The following NALF1 variants were observed in gnomAD, a reference collection of about 807,000 sequenced individuals.
The protein encoded by NALF1 is NALCN channel auxiliary factor 1, also known as family with sequence similarity 155 member A.
In NALF1, 3 loss-of-function variants were observed where a neutral mutation model predicts 48.4. The ratio of observed to expected loss-of-function variants is 0.06; its 90% confidence interval spans 0.03 to 0.16. NALF1 has a LOEUF of 0.16. NALF1 is among the 10% of genes least tolerant of loss of function. The pLI is 1.00. For missense variants in NALF1, 526 were observed against 571.5 expected, an observed-to-expected ratio of 0.92 and a Z score of 0.81; for synonymous variants, 262 against 245.7, an observed-to-expected ratio of 1.07 and a Z score of -0.62.
intron 1 of NALF1, among the ~76,000 whole-genome samples, chr13:107,523,707 T>C (rs936647006): frequency 6.6e-6 from 1 of 151,896 alleles, no homozygotes; most frequent in African/African-American, 2.4e-5. Flanking sequence ...AGTACCTATC[T>C]ATGGGAATAA....
At chr13:107,324,597 C>T (rs1015439440) in intron 1 of NALF1, among the ~76,000 whole-genome samples, 1 of 152,078 alleles carries the variant, frequency 6.6e-6, no homozygotes, top group Admixed American at 6.6e-5. Flanking sequence ...AGAGGAGTAA[C>T]TGTGGGTTAA....
chr13:107,178,939 T>C (rs1254378061), intron 2 of NALF1, among the ~76,000 whole-genome samples: 3 of 150,844 alleles, frequency 2.0e-5, no homozygotes, highest in Non-Finnish European at 4.4e-5. Flanking sequence ...AGTGAGACTC[T>C]GTCTCAAAAA....
chr13:107,761,464 T>C (rs961999355), intron 1 of NALF1, among the ~76,000 whole-genome samples: 1 of 152,068 alleles, frequency 6.6e-6, no homozygotes, highest in African/African-American at 2.4e-5. Context: ...TTAGAAGAAA[T>C]GGGTCCACTT....
intron 2 of NALF1, among the ~76,000 whole-genome samples, chr13:107,192,565 C>G (rs1052944881): frequency 2.0e-5 from 3 of 152,166 alleles, no homozygotes; most frequent in African/African-American, 4.8e-5. Flanking sequence ...AGTAAACAAG[C>G]TAGCTAGCTA....
chr13:107,442,765 T>A (rs1353251570), intron 1 of NALF1, among the ~76,000 whole-genome samples: 1 of 152,204 alleles, frequency 6.6e-6, no homozygotes, highest in East Asian at 1.9e-4. Flanking sequence ...AGTCACAATT[T>A]TTAAAATGCT....
intron 1 of NALF1, among the ~76,000 whole-genome samples, chr13:107,419,147 T>C (rs1884142148): frequency 1.3e-5 from 2 of 152,232 alleles, no homozygotes. Flanking sequence ...CTAGATTTAT[T>C]TTCTTCACAG....
At chr13:107,652,239 T>C (rs1456521091) in intron 1 of NALF1, among the ~76,000 whole-genome samples, 1 of 152,152 alleles carries the variant, frequency 6.6e-6, no homozygotes, top group Non-Finnish European at 1.5e-5. Flanking sequence ...CATTTAAATT[T>C]CTGTGATTCT....
At chr13:107,574,324 T>C (rs1007037916) in intron 1 of NALF1, among the ~76,000 whole-genome samples, 1 of 152,194 alleles carries the variant, frequency 6.6e-6, no homozygotes, top group Non-Finnish European at 1.5e-5. Flanking sequence ...TTTTATTCTA[T>C]CATTTATCAT....
intron 1 of NALF1, among the ~76,000 whole-genome samples, chr13:107,837,314 T>C (rs77117934): frequency 1.2e-4 from 18 of 152,354 alleles, no homozygotes; most frequent in Non-Finnish European, 2.1e-4. Context: ...GGAAAAGGAA[T>C]GCATAGCAGT....
chr13:107,839,813 G>A (rs1282187742), intron 1 of NALF1, among the ~76,000 whole-genome samples: 3 of 152,168 alleles, frequency 2.0e-5, no homozygotes, highest in Non-Finnish European at 4.4e-5. Context: ...TTTATGTCTT[G>A]TATGGAACTT....
intron 1 of NALF1, among the ~76,000 whole-genome samples, chr13:107,741,962 T>C (rs765232147): frequency 2.6e-4 from 39 of 152,194 alleles, no homozygotes; most frequent in Non-Finnish European, 1.3e-4. Flanking sequence ...ACTTTGGTCT[T>C]ATGTGGCTAA....
At chr13:107,336,659 T>C (rs1313384877) in intron 1 of NALF1, among the ~76,000 whole-genome samples, 1 of 152,186 alleles carries the variant, frequency 6.6e-6, no homozygotes, top group Non-Finnish European at 1.5e-5. Flanking sequence ...GGGATCTGAA[T>C]GTTAATTTCA....
intron 1 of NALF1, among the ~76,000 whole-genome samples, chr13:107,830,025 T>C (rs1333691972): frequency 6.6e-6 from 1 of 152,126 alleles, no homozygotes; most frequent in Admixed American, 6.5e-5. Flanking sequence ...TCGCAGAAGA[T>C]TACCTTTTTA....
intron 1 of NALF1, among the ~76,000 whole-genome samples, chr13:107,639,032 T>C (rs1880071645): frequency 6.6e-6 from 1 of 152,206 alleles, no homozygotes; most frequent in Non-Finnish European, 1.5e-5. Flanking sequence ...GATTGATTAT[T>C]ATTACAACAG....
intron 1 of NALF1, among the ~76,000 whole-genome samples, chr13:107,707,024 G>A (rs377726300): frequency 0.034 from 4,608 of 137,206 alleles, 106 homozygotes; most frequent in Non-Finnish European, 0.049. Flanking sequence ...CCGGGTTCAC[G>A]CCATTCTCCT....
chr13:107,168,483 A>G lies in NALF1; in HGVS notation c.*2014T>C, dbSNP rs1363922470. 1 of 152,426 alleles carries G rather than the reference A, an allele frequency of 6.6e-6. No homozygotes were observed. The highest frequency in any genetic ancestry group is 1.9e-4 in the East Asian group (1 of 5,186). 9.4% of individuals were successfully genotyped at this position (152,426 alleles called of 1,614,324 possible). A position where few individuals can be genotyped will look rare whatever the true frequency, so the allele number is the denominator to read the frequency against. Reference sequence around the variant, plus strand: ...TCTGTCCACATGTGAATGTATTTGCATTTGCAGAAAAAAAAATTTTAAAAA... The same window carrying G: ...TCTGTCCACATGTGAATGTATTTGCGTTTGCAGAAAAAAAAATTTTAAAAA... On this transcript the variant is annotated 3_prime_UTR_variant, in exon 3 of 3. Coordinates refer to ENST00000375915, the MANE Select transcript of NALF1 (RefSeq NM_001080396.3).
chr13:107,180,063 A>C (rs1879030383), intron 2 of NALF1, among the ~76,000 whole-genome samples: 1 of 150,570 alleles, frequency 6.6e-6, no homozygotes, highest in Non-Finnish European at 1.5e-5. Context: ...ATTATGCATT[A>C]TATGCTTGTA....
At chr13:107,531,687 T>C (rs1299598815) in intron 1 of NALF1, among the ~76,000 whole-genome samples, 1 of 152,044 alleles carries the variant, frequency 6.6e-6, no homozygotes, top group Non-Finnish European at 1.5e-5. Flanking sequence ...ATTTTATGAG[T>C]TGTCTGTCTG....
intron 1 of NALF1, among the ~76,000 whole-genome samples, chr13:107,633,945 C>A (rs1306273768): frequency 6.7e-6 from 1 of 148,342 alleles, no homozygotes; most frequent in Non-Finnish European, 1.5e-5. Flanking sequence ...TATATATATT[C>A]TGTATATATG....
Sources: gnomAD v4.1 joint callset for allele counts (sites outside exome capture counted in the v4.1 genomes callset) on GRCh38, gnomAD v4.1.1 for gene constraint, MANE v1.5 for transcripts, NCBI Gene and HGNC (gene_info 2026-07-23, HGNC 2026-07-21) for gene names.